The following NSMAF variants were observed in gnomAD, a reference collection of about 807,000 sequenced individuals.
NSMAF encodes the protein protein FAN.
In NSMAF, 90 loss-of-function variants were observed where a neutral mutation model predicts 134.9. The observed-to-expected ratio is 0.67, with a 90% confidence interval of 0.56 to 0.79. NSMAF has a LOEUF of 0.79. Ranked by LOEUF, NSMAF falls within the 30% of genes least tolerant of loss-of-function variation. The pLI, the probability that NSMAF is intolerant of heterozygous loss-of-function variation, is 0.00. For synonymous variants in NSMAF, 358 were observed against 389.6 expected, an observed-to-expected ratio of 0.92 and a Z score of 0.96; for missense variants, 1,010 against 1,119.0, an observed-to-expected ratio of 0.90 and a Z score of 1.39.
chr8:58,639,039 C>T (rs1185454562), intron 2 of NSMAF, among the ~76,000 whole-genome samples: 1 of 152,150 alleles, frequency 6.6e-6, no homozygotes, highest in African/African-American at 2.4e-5. Context: ...AATCCCAGCA[C>T]TTTCGGAGGC....
At chr8:58,655,320 C>A (rs1479629057) in intron 1 of NSMAF, among the ~76,000 whole-genome samples, 1 of 152,112 alleles carries the variant, frequency 6.6e-6, no homozygotes, top group African/African-American at 2.4e-5. Context: ...CATCCCAACA[C>A]TCCACGGTGG....
intron 18 of NSMAF, 174 bp downstream of exon 18, chr8:58,599,575 TA>T: frequency 1.1e-6 from 1 of 882,476 alleles, no homozygotes; most frequent in Non-Finnish European, 1.7e-6. Flanking sequence ...AAATATATAT[TA>T]ATGTTTTTAC....
intron 26 of NSMAF, chr8:58,588,771 G>A (rs1805953854): frequency 8.8e-7 from 1 of 1,132,928 alleles, no homozygotes; most frequent in Non-Finnish European, 1.3e-6. Flanking sequence ...TCATCTTGGA[G>A]GCACGGACCG....
intron 20 of NSMAF, 29 bp downstream of exon 20, chr8:58,597,831 G>A: frequency 6.8e-7 from 1 of 1,470,880 alleles, no homozygotes; most frequent in Non-Finnish European, 9.5e-7. Context: ...TATAACTCAA[G>A]TAGAAACTCC....
intron 2 of NSMAF, among the ~76,000 whole-genome samples, chr8:58,636,694 T>A (rs74853108): frequency 7.2e-5 from 11 of 152,290 alleles, no homozygotes; most frequent in Non-Finnish European, 1.3e-4. Flanking sequence ...ACACACAGTA[T>A]GTACACAAAT....
In NSMAF at chr8:58,589,761, A is replaced by G. The variant is rs571225853; in HGVS notation, c.2088-186T>C. 275 of 687,798 alleles carry G rather than the reference A, an allele frequency of 4.0e-4. 1 individual carries two copies. The highest frequency in any genetic ancestry group is 2.2e-4 in the Non-Finnish European group (98 of 446,524). 42.6% of individuals were successfully genotyped at this position (687,798 alleles called of 1,614,324 possible). On this transcript the variant is annotated intron_variant, in intron 25 of 30. Coordinates refer to ENST00000038176, the MANE Select transcript of NSMAF (RefSeq NM_003580.4). ...TTTGAATTTAAAATTAGAAATTTCC[A>G]TGTCTGGCTCATCTGTTTTCTCCTC...
At chr8:58,617,656 A>T (rs1005066075) in intron 9 of NSMAF, among the ~76,000 whole-genome samples, 3 of 152,198 alleles carry the variant, frequency 2.0e-5, no homozygotes, top group Non-Finnish European at 4.4e-5. Context: ...AAAAGTCAGG[A>T]AACAACAGAT....
rs887300453 is a variant in NSMAF, at chr8:58,635,471, G to A, written c.225C>T (p.Ile75=). The part of the protein sequence containing the change: ...FEPDSISQPI[I]KIPLRDCIKI... ...TTCATATTTAAAATGTATTTACCTT[G>A]ATGATGGGCTGGGATATTGAATCTG... The change falls in exon 3 of 31, where the codon ATC becomes ATT. Residue 75 remains isoleucine, a synonymous_variant. Transcript: ENST00000038176. 4.4e-6 allele frequency: 7 copies of A among 1,598,998 alleles called. No individual in the cohort carries two copies. The highest frequency in any genetic ancestry group is 6.0e-6 in the Non-Finnish European group (7 of 1,172,708).
chr8:58,611,220 T>G (rs1806522751), intron 9 of NSMAF, among the ~76,000 whole-genome samples: 1 of 151,976 alleles, frequency 6.6e-6, no homozygotes, highest in Admixed American at 6.6e-5. Flanking sequence ...GAGGAAGACT[T>G]TAAGATAACT....
chr8:58,658,709 T>C (rs1807779602), intron 1 of NSMAF, among the ~76,000 whole-genome samples: 1 of 152,188 alleles, frequency 6.6e-6, no homozygotes, highest in Non-Finnish European at 1.5e-5. Context: ...GAGCAAGTTG[T>C]TTCTGTCACC....
intron 19 of NSMAF, among the ~76,000 whole-genome samples, chr8:58,598,379 T>G (rs1428711173): frequency 6.7e-6 from 1 of 149,626 alleles, no homozygotes; most frequent in Non-Finnish European, 1.5e-5. Context: ...GGCAGCTACT[T>G]GGGAGGCTGA....
intron 1 of NSMAF, among the ~76,000 whole-genome samples, chr8:58,646,737 G>A (rs544369331): frequency 6.6e-6 from 1 of 151,892 alleles, no homozygotes; most frequent in African/African-American, 2.4e-5. Flanking sequence ...AAGAGTCCAT[G>A]CTTAAAAAAA....
rs1376220086 is a variant in NSMAF at position 58,597,520 on chromosome 8, C to G, written c.1659G>C (p.Met553Ile). 1 of 1,614,184 alleles carries G rather than the reference C, an allele frequency of 6.2e-7. No individual in the cohort carries two copies. The change falls in exon 21 of 31, where the codon ATG (methionine) becomes ATC (isoleucine). Residue 553 changes from methionine (M) to isoleucine (I), a missense_variant. Transcript: ENST00000038176. ...SIQDPDEKVAMLTQILEFGQT... is the reference protein window; with the variant it reads ...SIQDPDEKVAILTQILEFGQT... ...GCCCAAATTCCAAGATTTGCGTAAG[C>G]ATGGCTACCTTCTCATCAGGATCCT... is the stretch of plus-strand genomic sequence containing the variant.
chr8:58,621,994 T>C (rs1221984376), intron 9 of NSMAF, among the ~76,000 whole-genome samples: 1 of 152,224 alleles, frequency 6.6e-6, no homozygotes, highest in Admixed American at 6.5e-5. Context: ...TTTGTCAATT[T>C]TTGTTTTTGC....
At chr8:58,585,317 G>GTTTTTTTTTTTTTTTTTTTTT (rs571525208) in intron 30 of NSMAF, among the ~76,000 whole-genome samples, 5 of 144,370 alleles carry the variant, frequency 3.5e-5, no homozygotes, top group African/African-American at 1.0e-4. Flanking sequence ...TTGTTTCTGG[G>GTTTTTTTTTTTTTTTTTTTTT]TTTTTTTTTT....
In NSMAF at chr8:58,603,535, A is replaced by C. The variant is rs1031622351; in HGVS notation, c.869-149T>G. On this transcript the variant is annotated intron_variant, in intron 12 of 30. Coordinates refer to ENST00000038176, the MANE Select transcript of NSMAF (RefSeq NM_003580.4). Reference sequence around the variant, plus strand: ...AGTAGGCTGCTGACTTGTTTTCATAAAGTATTTGTTCAGCTATGTATAAAC... The same window carrying C: ...AGTAGGCTGCTGACTTGTTTTCATACAGTATTTGTTCAGCTATGTATAAAC... 3 of 685,442 alleles carry C rather than the reference A, an allele frequency of 4.4e-6. No individual in the cohort carries two copies. The Admixed American group carries it at 8.8e-5, about 20-fold the overall frequency. The allele number at this position is 685,442 out of a possible 1,614,324, so 42.5% of individuals were successfully genotyped here. A position where few individuals can be genotyped will look rare whatever the true frequency, so the allele number is the denominator to read the frequency against.
At chr8:58,584,271 G>A in intron 30 of NSMAF, 71 bp from the exon 31 acceptor site, 1 of 1,019,680 alleles carries the variant, frequency 9.8e-7, no homozygotes, top group Non-Finnish European at 1.5e-6. Context: ...TTACTCTGAT[G>A]CTTACTCTTG....
chr8:58,607,101 A>G (rs1806426506), intron 11 of NSMAF, among the ~76,000 whole-genome samples: 2 of 152,242 alleles, frequency 1.3e-5, no homozygotes, highest in African/African-American at 4.8e-5. Flanking sequence ...AAATTCCACA[A>G]TGCTTTTGTA....
At position 58,589,582 on chromosome 8, in the gene NSMAF, G is replaced by A; in HGVS notation, c.2088-7C>T. 6.4e-7 allele frequency: 1 copy of A among 1,564,186 alleles called. No homozygotes were observed. Among genetic ancestry groups the A allele is most frequent in the Middle Eastern group, 1.7e-4 (1 of 5,956 alleles). ...TGCTATGGAATAAAAATAGCTAAAA[G>A]ATAATGAGAAGCATTAAAACAGTAG... On this transcript the variant is annotated splice_region_variant and splice_polypyrimidine_tract_variant and intron_variant, in intron 25 of 30. Transcript: ENST00000038176.
Sources: allele counts gnomAD v4.1 joint callset (sites outside exome capture counted in the v4.1 genomes callset), GRCh38; gene constraint gnomAD v4.1.1; transcripts MANE v1.5; gene names NCBI Gene and HGNC (gene_info 2026-07-23, HGNC 2026-07-21).